Variants in NR2F1-AS1 observed in about 807,000 individuals in gnomAD.
NR2F1-AS1 encodes the protein NR2F1 regulatory antisense RNA 1.
At chr5:93,462,376 G>A (rs1369022390) in intron 4 of NR2F1-AS1, among the ~76,000 whole-genome samples, 1 of 152,184 alleles carries the variant, frequency 6.6e-6, no homozygotes, top group African/African-American at 2.4e-5. Flanking sequence ...CACCATGATT[G>A]TGAGGTTTCC....
intron 4 of NR2F1-AS1, among the ~76,000 whole-genome samples, chr5:93,433,197 A>ATATAAAG (rs2149847669): frequency 2.6e-5 from 4 of 152,286 alleles, no homozygotes; most frequent in African/African-American, 9.6e-5. Context: ...AAGTTTTAGT[A>ATATAAAG]TTTCGCACAT....
In NR2F1-AS1 at chr5:93,447,316, C is replaced by T. The variant is rs1204594359; in HGVS notation, n.639-51774G>A. 2.0e-5 allele frequency among the ~76,000 whole-genome samples: 3 copies of T among 152,100 alleles called. No individual in the cohort carries two copies. The East Asian group carries it at 5.8e-4, about 29-fold the overall frequency. ...TACAATCTACCCGTCTGACAAAGGG[C>T]TAATATCCAGAATCTACAAAGAACT... On this transcript the variant is annotated intron_variant and non_coding_transcript_variant, in intron 4 of 5. Coordinates refer to ENST00000660523, the Ensembl canonical transcript of NR2F1-AS1.
At chr5:93,581,683 T>A (rs1219150962), upstream of NR2F1-AS1, among the ~76,000 whole-genome samples, 1 of 44,744 alleles carries the variant, frequency 2.2e-5, no homozygotes, top group Non-Finnish European at 4.3e-5. Flanking sequence ...TCTCTCTCTC[T>A]CTCTCTCTCT....
chr5:93,490,818 G>C (rs554240366), intron 4 of NR2F1-AS1, among the ~76,000 whole-genome samples: 2 of 151,390 alleles, frequency 1.3e-5, no homozygotes, highest in South Asian at 4.2e-4. Context: ...TGGTGGTTGT[G>C]GTTATGGTAG....
At chr5:93,565,586 G>A (rs1475760957) in intron 1 of NR2F1-AS1, among the ~76,000 whole-genome samples, 1 of 151,770 alleles carries the variant, frequency 6.6e-6, no homozygotes, top group Non-Finnish European at 1.5e-5. Context: ...TCTCGAACTG[G>A]GTTTGGGGTA....
intron 1 of NR2F1-AS1, among the ~76,000 whole-genome samples, chr5:93,568,568 A>G (rs1752667873): frequency 6.6e-6 from 1 of 152,350 alleles, no homozygotes; most frequent in Non-Finnish European, 1.5e-5. Flanking sequence ...AGAAAACTTG[A>G]CACGAGTCCC....
At chr5:93,426,030 T>A (rs1749187583) in intron 4 of NR2F1-AS1, among the ~76,000 whole-genome samples, 1 of 151,382 alleles carries the variant, frequency 6.6e-6, no homozygotes, top group Non-Finnish European at 1.5e-5. Context: ...ACTAATTAGA[T>A]CCATCTCACC....
At chr5:93,487,805 A>G (rs1273012129) in intron 4 of NR2F1-AS1, among the ~76,000 whole-genome samples, 1 of 152,194 alleles carries the variant, frequency 6.6e-6, no homozygotes, top group Non-Finnish European at 1.5e-5. Flanking sequence ...AAGCACAAAG[A>G]AAAAAGCTGG....
chr5:93,413,512 C>T (rs1330816051), intron 4 of NR2F1-AS1, among the ~76,000 whole-genome samples: 8 of 152,056 alleles, frequency 5.3e-5, no homozygotes, highest in East Asian at 1.9e-4. Context: ...TCCACATGGC[C>T]GGTGTGATAA....
intron 4 of NR2F1-AS1, among the ~76,000 whole-genome samples, chr5:93,513,219 T>C (rs907298755): frequency 1.3e-5 from 2 of 152,110 alleles, no homozygotes; most frequent in Non-Finnish European, 2.9e-5. Flanking sequence ...TTAGAGAAAA[T>C]GTAAATTACT....
intron 4 of NR2F1-AS1, among the ~76,000 whole-genome samples, chr5:93,439,342 G>C (rs977429432): frequency 1.3e-5 from 2 of 152,216 alleles, no homozygotes; most frequent in African/African-American, 4.8e-5. Context: ...CACCCAGGCT[G>C]GAGTGGAGTG....
At chr5:93,487,709 C>T (rs1010139717) in intron 4 of NR2F1-AS1, among the ~76,000 whole-genome samples, 3 of 152,134 alleles carry the variant, frequency 2.0e-5, no homozygotes, top group African/African-American at 7.2e-5. Context: ...CATCAAGCTA[C>T]CATTGACTTT....
chr5:93,585,104 G>A (rs1353522910), upstream of NR2F1-AS1: 2 of 995,886 alleles, frequency 2.0e-6, no homozygotes, highest in Non-Finnish European at 2.4e-6. Context: ...ACCCCGCAGC[G>A]CAGGCGGCCC....
At chr5:93,475,756 C>T (rs1750470616) in intron 4 of NR2F1-AS1, among the ~76,000 whole-genome samples, 1 of 152,170 alleles carries the variant, frequency 6.6e-6, no homozygotes, top group Non-Finnish European at 1.5e-5. Flanking sequence ...ACTTAATTTT[C>T]TTCCTTTAAT....
At chr5:93,463,855 C>T (rs1055337257) in intron 4 of NR2F1-AS1, among the ~76,000 whole-genome samples, 8 of 152,154 alleles carry the variant, frequency 5.3e-5, no homozygotes, top group Non-Finnish European at 1.0e-4. Flanking sequence ...GCTGGTACCC[C>T]CATTGGATCT....
At chr5:93,544,396 T>C (rs892793797) in intron 4 of NR2F1-AS1, among the ~76,000 whole-genome samples, 1 of 152,156 alleles carries the variant, frequency 6.6e-6, no homozygotes, top group South Asian at 2.1e-4. Context: ...TATTATGCCA[T>C]AGAATATATA....
chr5:93,540,677 C>T (rs1306481408), intron 4 of NR2F1-AS1, among the ~76,000 whole-genome samples: 1 of 152,074 alleles, frequency 6.6e-6, no homozygotes, highest in African/African-American at 2.4e-5. Context: ...AAATCTAAAA[C>T]AGGAACATAT....
At chr5:93,458,927 G>A (rs150592912) in intron 4 of NR2F1-AS1, among the ~76,000 whole-genome samples, 282 of 151,960 alleles carry the variant, frequency 1.9e-3, no homozygotes, top group Non-Finnish European at 2.9e-3. Context: ...CAAGAGAATC[G>A]CTTGAACACA....
intron 4 of NR2F1-AS1, among the ~76,000 whole-genome samples, chr5:93,533,913 C>T (rs1334021276): frequency 6.6e-6 from 1 of 152,098 alleles, no homozygotes; most frequent in Non-Finnish European, 1.5e-5. Flanking sequence ...AGGCAGATCA[C>T]ATGAGGCCAG....
Sources: allele counts gnomAD v4.1 joint callset (sites outside exome capture counted in the v4.1 genomes callset), GRCh38; gene constraint gnomAD v4.1.1; transcripts MANE v1.5; gene names NCBI Gene and HGNC (gene_info 2026-07-23, HGNC 2026-07-21).